DMD: variants seen among roughly 807,000 people sequenced by gnomAD.
DMD encodes mutant dystrophin.
Under a neutral mutation model 330.1 loss-of-function variants are expected in DMD, and 63 were observed. The observed-to-expected ratio is 0.19, with a 90% CI of 0.16 to 0.24. DMD has a LOEUF of 0.24. DMD is among the 10% of genes least tolerant of loss of function. The pLI is 1.00. For missense variants in DMD, 3,344 were observed against 2,684.1 expected (o/e 1.25, Z -5.43); for synonymous variants, 1,223 against 959.8 (o/e 1.27, Z -5.07).
At chrX:32,999,796 AAAC>A (rs201285432) in intron 2 of DMD, among the ~76,000 whole-genome samples, 3,766 of 103,849 alleles carry the variant, frequency 0.036, 129 homozygotes, top group East Asian at 0.17. Flanking sequence ...ACAAAAACAA[AAAC>A]AAAAAACAAA....
At chrX:31,130,336 T>C (rs1256885793) in intron 77 of DMD, among the ~76,000 whole-genome samples, 1 of 112,080 alleles carries the variant, frequency 8.9e-6, no homozygotes. Context: ...GAGTACCTTA[T>C]AGTAAAGTAG....
chrX:31,894,494 C>T (rs766582900), intron 47 of DMD, among the ~76,000 whole-genome samples: 1 of 111,960 alleles, frequency 8.9e-6, no homozygotes, highest in East Asian at 2.8e-4. Context: ...GGAACCACCG[C>T]TTTGAGAAAC....
rs767993498 is a variant in DMD, at chrX:32,312,942, CA to C, written c.5923-2667del. 2.5e-3 allele frequency among the ~76,000 whole-genome samples: 52 copies of C among 20,396 alleles called. No homozygotes were observed. The East Asian group carries it at 0.046, about 18-fold the overall frequency. 17.7% of individuals were successfully genotyped at this position (20,396 alleles called of 115,157 possible). ...ATTGAGGCAGTAATAGCCTACGAAC[CA>C]AAAAAAAAAAAAAAAAAAAAAGCCC... On this transcript the variant is annotated intron_variant, in intron 41 of 78. Coordinates refer to ENST00000357033, the MANE Select transcript of DMD (RefSeq NM_004006.3).
In DMD at chrX:31,932,131, T is replaced by C; in HGVS notation, c.6711A>G (p.Pro2237=). 1 of 1,208,906 alleles carries C rather than the reference T, an allele frequency of 8.3e-7. No homozygotes were observed. Among genetic ancestry groups the C allele is most frequent in the Non-Finnish European group, 1.1e-6 (1 of 892,888 alleles). The change falls in exon 46 of 79, where the codon CCA becomes CCG. Residue 2237 remains proline (P), a synonymous_variant. Transcript: ENST00000357033. ...LEEADNIASI[P]LEPGKEQQLK... is the part of the protein sequence containing the mutation. ...GTTGCTGCTCTTTTCCAGGTTCAAG[T>C]GGGATACTAGCAATGTTATCTGCTT...
At chrX:32,425,351 T>C (rs1001841148) in intron 29 of DMD, among the ~76,000 whole-genome samples, 30 of 111,157 alleles carry the variant, frequency 2.7e-4, no homozygotes, top group African/African-American at 9.8e-4. Flanking sequence ...CCTTGTATTA[T>C]CTCAATTTTC....
At chrX:33,287,078 T>C (rs780130644) in intron 1 of DMD, among the ~76,000 whole-genome samples, 2 of 111,835 alleles carry the variant, frequency 1.8e-5, no homozygotes, top group Admixed American at 9.5e-5. Context: ...TAAATATCTG[T>C]TGTGTTAAGG....
chrX:31,303,450 C>T (rs1487117232), intron 62 of DMD, among the ~76,000 whole-genome samples: 1 of 111,585 alleles, frequency 9.0e-6, no homozygotes, highest in Non-Finnish European at 1.9e-5. Flanking sequence ...AAAGAATTAC[C>T]AACTGTGCAT....
At chrX:31,251,986 G>A (rs1434801208) in intron 63 of DMD, among the ~76,000 whole-genome samples, 1 of 112,126 alleles carries the variant, frequency 8.9e-6, no homozygotes, top group Non-Finnish European at 1.9e-5. Context: ...TCTGAAATAA[G>A]CTTGGAGAGA....
At chrX:33,102,643 TCCATGTGTTA>T (rs1000587769) in intron 1 of DMD, among the ~76,000 whole-genome samples, 1 of 111,768 alleles carries the variant, frequency 8.9e-6, no homozygotes, top group Non-Finnish European at 1.9e-5. Context: ...CTACAATTTG[TCCATGTGTTA>T]CCATGTGTTA....
At chrX:31,749,464 G>C (rs2088249198) in intron 51 of DMD, among the ~76,000 whole-genome samples, 12 of 103,337 alleles carry the variant, frequency 1.2e-4, no homozygotes, top group African/African-American at 2.5e-4. Context: ...CCCTACAAAG[G>C]ACATGAACTC....
At chrX:32,849,143 C>T (rs955829834) in intron 3 of DMD, among the ~76,000 whole-genome samples, 11 of 111,385 alleles carry the variant, frequency 9.9e-5, no homozygotes, top group East Asian at 2.8e-4. Context: ...CAATCTAAGA[C>T]GATTATTTCA....
chrX:31,305,099 T>A (rs902378411), intron 62 of DMD, among the ~76,000 whole-genome samples: 1 of 111,773 alleles, frequency 8.9e-6, no homozygotes, highest in East Asian at 2.8e-4. Context: ...CTTTAAGACA[T>A]CTCTTTAAAA....
At chrX:32,416,556 C>A (rs1485740747) in intron 29 of DMD, among the ~76,000 whole-genome samples, 3 of 111,796 alleles carry the variant, frequency 2.7e-5, no homozygotes, top group Non-Finnish European at 3.8e-5. Flanking sequence ...AACTAAATCC[C>A]AAATTCCAAT....
At chrX:31,646,381 A>C (rs1403772071) in intron 54 of DMD, among the ~76,000 whole-genome samples, 1 of 111,012 alleles carries the variant, frequency 9.0e-6, no homozygotes, top group Admixed American at 9.7e-5. Context: ...GTGGTTCTCA[A>C]ATTTTAATAT....
At chrX:32,401,440 C>T (rs971722133) in intron 30 of DMD, among the ~76,000 whole-genome samples, 3 of 111,606 alleles carry the variant, frequency 2.7e-5, no homozygotes, top group African/African-American at 6.5e-5. Context: ...TACGTTATTA[C>T]GTTAAGTGAA....
chrX:32,632,833 C>T lies in DMD; in HGVS notation c.1331+11299G>A, dbSNP rs745357170. Among the ~76,000 whole-genome samples, 34 of 112,410 alleles carry T rather than the reference C, an allele frequency of 3.0e-4. No homozygotes were observed. The East Asian group carries it at 6.3e-3, about 21-fold the overall frequency. On this transcript the variant is annotated intron_variant, in intron 11 of 78. Transcript: ENST00000357033. Reference sequence around the variant, plus strand: ...AAACCATTCTGTCCTCTTAGGCCTCCGGATCTATAATGGGAGGGGCTGCCT... The same window carrying T: ...AAACCATTCTGTCCTCTTAGGCCTCTGGATCTATAATGGGAGGGGCTGCCT...
intron 52 of DMD, among the ~76,000 whole-genome samples, chrX:31,716,911 T>G (rs931858274): frequency 9.1e-6 from 1 of 110,007 alleles, no homozygotes; most frequent in African/African-American, 3.3e-5. Context: ...ACTCCAAATG[T>G]AGCCTCCTTT....
rs775205592 is a variant in DMD, at chrX:32,835,219, C to G, written c.264+9564G>C. 5.4e-5 allele frequency among the ~76,000 whole-genome samples: 6 copies of G among 111,972 alleles called. No individual in the cohort carries two copies. The East Asian group carries it at 1.7e-3, about 32-fold the overall frequency. On this transcript the variant is annotated intron_variant, in intron 4 of 78. Transcript: ENST00000357033. ...TTAAAATGCCTAATGAAAGGCACTA[C>G]TTACAAACAAAAGTGGGACAGGGCA... is the stretch of plus-strand genomic sequence containing the variant.
intron 60 of DMD, among the ~76,000 whole-genome samples, chrX:31,389,614 C>T (rs2060606053): frequency 1.8e-5 from 2 of 112,159 alleles, no homozygotes; most frequent in African/African-American, 6.5e-5. Context: ...ATCATTTCTA[C>T]ACTTCTGTGC....
Sources: allele counts gnomAD v4.1 joint callset (sites outside exome capture counted in the v4.1 genomes callset), GRCh38; gene constraint gnomAD v4.1.1; transcripts MANE v1.5; gene names NCBI Gene and HGNC (gene_info 2026-07-23, HGNC 2026-07-21).